The following NFIX variants were observed in gnomAD, a reference collection of about 807,000 sequenced individuals.
NFIX encodes nuclear factor 1 X-type.
A neutral mutation model predicts 53.3 loss-of-function variants in NFIX; 2 were observed. The observed-to-expected ratio is 0.04, with a 90% confidence interval of 0.02 to 0.12. The LOEUF (loss-of-function observed/expected upper bound fraction) is 0.12. Among genes scored for constraint, NFIX ranks in the 10% least tolerant of loss-of-function variants. NFIX has a pLI of 1.00. For synonymous variants in NFIX, 244 were observed against 289.0 expected, an observed-to-expected ratio of 0.84 and a Z score of 1.58; for missense variants, 310 against 674.5, an observed-to-expected ratio of 0.46 and a Z score of 5.99.
chr19:13,056,135 C>T (rs998824407), intron 2 of NFIX, among the ~76,000 whole-genome samples: 3 of 152,192 alleles, frequency 2.0e-5, no homozygotes, highest in Non-Finnish European at 2.9e-5. Flanking sequence ...CAGCCCCAGC[C>T]AACTTTGCTG....
intron 1 of NFIX, among the ~76,000 whole-genome samples, chr19:12,999,218 G>A (rs1160988461): frequency 6.6e-6 from 1 of 151,328 alleles, no homozygotes; most frequent in Non-Finnish European, 1.5e-5. Flanking sequence ...CTGTCGCCCA[G>A]GTTGGAGTGC....
chr19:13,057,508 A>G (rs1200383616), intron 2 of NFIX, among the ~76,000 whole-genome samples: 2 of 152,130 alleles, frequency 1.3e-5, no homozygotes, highest in Non-Finnish European at 1.5e-5. Context: ...CCGGCTCCTG[A>G]TGCCACACCC....
chr19:13,094,563 T>G lies in NFIX; in HGVS notation c.1495-72T>G. ...CTGGACCCTTGAGGGGCCAGGTCAC[T>G]GGGCCAGGTAGGAGTGAGATGGGAC... On this transcript the variant is annotated intron_variant, in intron 10 of 10. Coordinates refer to ENST00000592199, the MANE Select transcript of NFIX (RefSeq NM_001365902.3). The surrounding 1 kb of genome is among the most constrained non-coding windows in gnomAD (Gnocchi z 4.3). The G allele has an allele frequency of 2.7e-6, 4 of 1,497,006 alleles. No individual in the cohort carries two copies. The highest frequency in any genetic ancestry group is 3.6e-6 in the Non-Finnish European group (4 of 1,113,788). 92.7% of individuals were successfully genotyped at this position (1,497,006 alleles called of 1,614,324 possible). A position where few individuals can be genotyped will look rare whatever the true frequency, so the allele number is the denominator to read the frequency against.
rs372603403 is a variant in NFIX at position 13,012,890 on chromosome 19, G to A, written c.28-12131G>A. ...CTTCAATCCCCGAGCCTTCTCTTTT[G>A]GGGGAGTAAAGGCGGGGAAATTTAC... On this transcript the variant is annotated intron_variant, in intron 1 of 10. Coordinates refer to ENST00000592199, the MANE Select transcript of NFIX (RefSeq NM_001365902.3). This position sits in a 1 kb window ranked among gnomAD's most constrained non-coding sequence, Gnocchi z 5.0. Among the ~76,000 whole-genome samples the A allele has an allele frequency of 8.3e-4, 127 of 152,126 alleles. No individual in the cohort carries two copies. The highest frequency in any genetic ancestry group is 1.5e-3 in the East Asian group (8 of 5,164).
chr19:13,094,517 G>C lies in NFIX; in HGVS notation c.1495-118G>C. The C allele has an allele frequency of 9.7e-7, 1 of 1,032,686 alleles. No individual in the cohort carries two copies. Among genetic ancestry groups the C allele is most frequent in the South Asian group, 1.4e-5 (1 of 69,016 alleles). The allele number at this position is 1,032,686 out of a possible 1,614,324, so 64.0% of individuals were successfully genotyped here. A position where few individuals can be genotyped will look rare whatever the true frequency, so the allele number is the denominator to read the frequency against. The stretch of plus-strand genomic sequence containing the variant: ...GGAACAAGGTGGGTGGTGGCTGCCC[G>C]GCACCCTGGCTCTTTGGGAGCTGGA... On this transcript the variant is annotated intron_variant, in intron 10 of 10. Transcript: ENST00000592199. The surrounding 1 kb of genome is among the most constrained non-coding windows in gnomAD (Gnocchi z 4.3).
In NFIX at chr19:12,996,764, G is replaced by C. The variant is rs2011484169; in HGVS notation, c.27+900G>C. 6.6e-6 allele frequency among the ~76,000 whole-genome samples: 1 copy of C among 152,254 alleles called. No homozygotes were observed. The highest frequency in any genetic ancestry group is 6.5e-5 in the Admixed American group (1 of 15,290). ...GTGCTGCGGCCACACCGTCGGGTCA[G>C]CCTCGGGCACAACAGCGCCGACCTT... On this transcript the variant is annotated intron_variant, in intron 1 of 10. Transcript: ENST00000592199. The surrounding 1 kb of genome is among the most constrained non-coding windows in gnomAD (Gnocchi z 5.2).
At position 12,996,730 on chromosome 19, in the gene NFIX, C is replaced by T. The variant is rs1360930520; in HGVS notation, c.27+866C>T. Reference sequence around the variant, plus strand: ...GAGGGGCGGGAGGCAGCCGTGGACACAGCCGACAGTGCTGCGGCCACACCG... The same window carrying T: ...GAGGGGCGGGAGGCAGCCGTGGACATAGCCGACAGTGCTGCGGCCACACCG... On this transcript the variant is annotated intron_variant, in intron 1 of 10. Coordinates refer to ENST00000592199, the MANE Select transcript of NFIX (RefSeq NM_001365902.3). The surrounding 1 kb of genome is among the most constrained non-coding windows in gnomAD (Gnocchi z 5.2). 6.6e-6 allele frequency among the ~76,000 whole-genome samples: 1 copy of T among 152,254 alleles called. No individual in the cohort carries two copies. The highest frequency in any genetic ancestry group is 1.5e-5 in the Non-Finnish European group (1 of 68,038).
In NFIX at chr19:13,028,755, A is replaced by G. The variant is rs1325257473; in HGVS notation, c.559+3203A>G. The stretch of plus-strand genomic sequence containing the variant: ...TCCTTCCATTCAAAGCGGGTATCCC[A>G]GAACAGGTGGCCAGGGACGGGTGAG... On this transcript the variant is annotated intron_variant, in intron 2 of 10. Coordinates refer to ENST00000592199, the MANE Select transcript of NFIX (RefSeq NM_001365902.3). This position sits in a 1 kb window ranked among gnomAD's most constrained non-coding sequence, Gnocchi z 4.2. Among the ~76,000 whole-genome samples the G allele has an allele frequency of 1.3e-5, 2 of 152,132 alleles. No individual in the cohort carries two copies. Among genetic ancestry groups the G allele is most frequent in the Non-Finnish European group, 2.9e-5 (2 of 68,010 alleles).
intron 2 of NFIX, among the ~76,000 whole-genome samples, chr19:13,046,247 G>A (rs922830305): frequency 1.3e-5 from 2 of 152,194 alleles, no homozygotes; most frequent in Non-Finnish European, 2.9e-5. Context: ...GCACCATGGA[G>A]GGTAGTCTGT....
chr19:13,022,648 G>T lies in NFIX; in HGVS notation c.28-2373G>T, dbSNP rs907720373. On this transcript the variant is annotated intron_variant, in intron 1 of 10. Coordinates refer to ENST00000592199, the MANE Select transcript of NFIX (RefSeq NM_001365902.3). This position sits in a 1 kb window ranked among gnomAD's most constrained non-coding sequence, Gnocchi z 4.5. The stretch of plus-strand genomic sequence containing the variant: ...ACAGAAAAAGAGAGTGTGCAGGCCC[G>T]AGAGAAAGACTGAAACCAAAACACA... Among the ~76,000 whole-genome samples the T allele has an allele frequency of 6.6e-6, 1 of 151,950 alleles. No individual in the cohort carries two copies. Among genetic ancestry groups the T allele is most frequent in the Non-Finnish European group, 1.5e-5 (1 of 67,990 alleles).
intron 1 of NFIX, among the ~76,000 whole-genome samples, chr19:13,023,368 T>A (rs926116717): frequency 1.3e-5 from 2 of 149,744 alleles, no homozygotes; most frequent in Admixed American, 1.3e-4. Flanking sequence ...TGCACGCGTC[T>A]GCCAGCAACG....
chr19:13,039,744 C>T (rs1448222783), intron 2 of NFIX, among the ~76,000 whole-genome samples: 1 of 152,198 alleles, frequency 6.6e-6, no homozygotes, highest in Middle Eastern at 3.2e-3. Flanking sequence ...TTTAGTTTCT[C>T]TTAGGCTGGA....
intron 1 of NFIX, among the ~76,000 whole-genome samples, chr19:13,016,879 C>T (rs2012699519): frequency 6.6e-6 from 1 of 152,140 alleles, no homozygotes; most frequent in Non-Finnish European, 1.5e-5. Context: ...CAGCTTCGCC[C>T]TCCATGGCCC....
chr19:13,075,196 T>A (rs2017019212), intron 5 of NFIX, among the ~76,000 whole-genome samples: 1 of 151,622 alleles, frequency 6.6e-6, no homozygotes, highest in Non-Finnish European at 1.5e-5. Flanking sequence ...GTCATTCACC[T>A]CACCCTAGCC....
chr19:13,053,761 A>G (rs1314758459), intron 2 of NFIX, among the ~76,000 whole-genome samples: 8 of 152,106 alleles, frequency 5.3e-5, no homozygotes, highest in Non-Finnish European at 1.0e-4. Flanking sequence ...TCTGTCCCCA[A>G]GGGCTCCCTC....
rs920370018 is a variant in NFIX at position 13,095,271 on chromosome 19, C to T, written c.*622C>T. On this transcript the variant is annotated 3_prime_UTR_variant, in exon 11 of 11. Transcript: ENST00000592199. ...ACCAGGAGGGGGAGAGCAGCCTCCA[C>T]TTACCCCACCCCACCCTTGGGCTAA... 9 of 152,164 alleles carry T rather than the reference C, an allele frequency of 5.9e-5. No individual in the cohort carries two copies. In the East Asian group the frequency reaches 1.4e-3, roughly 23 times the overall value. The allele number at this position is 152,164 out of a possible 1,614,324, so 9.4% of individuals were successfully genotyped here. A position where few individuals can be genotyped will look rare whatever the true frequency, so the allele number is the denominator to read the frequency against.
chr19:13,098,291 GC>G lies in NFIX; in HGVS notation c.*3648del, dbSNP rs1158359269. ...CCCCCACCCCACCCACCCTCGGGGC[GC>G]CCCCCTCCCCCCGCAAGCCAGCCTG... is the stretch of plus-strand genomic sequence containing the variant. On this transcript the variant is annotated 3_prime_UTR_variant, in exon 11 of 11. Transcript: ENST00000592199. 3 of 96,470 alleles carry G rather than the reference GC, an allele frequency of 3.1e-5. No individual in the cohort carries two copies. Among genetic ancestry groups the G allele is most frequent in the Non-Finnish European group, 6.3e-5 (3 of 47,996 alleles). 6.0% of individuals were successfully genotyped at this position (96,470 alleles called of 1,614,324 possible).
At chr19:13,071,493 AAC>A (rs1040848641) in intron 2 of NFIX, 1 of 152,160 alleles carries the variant, frequency 6.6e-6, no homozygotes, top group African/African-American at 2.4e-5. Context: ...TCTTTTGCCA[AAC>A]ACACCACCAG....
In NFIX at chr19:13,089,718, T is replaced by G. The variant is rs1223152141; in HGVS notation, c.1403-581T>G. On this transcript the variant is annotated intron_variant, in intron 9 of 10. Coordinates refer to ENST00000592199, the MANE Select transcript of NFIX (RefSeq NM_001365902.3). This position sits in a 1 kb window ranked among gnomAD's most constrained non-coding sequence, Gnocchi z 4.8. ...AGCCTGCCTGCCTGGTCCTTGGGCC[T>G]GCCCAGAGTGGTAAGAGGTGTAGCA... Among the ~76,000 whole-genome samples the G allele has an allele frequency of 1.3e-5, 2 of 152,222 alleles. No individual in the cohort carries two copies. Among genetic ancestry groups the G allele is most frequent in the Non-Finnish European group, 2.9e-5 (2 of 68,012 alleles).
Sources: gnomAD v4.1 joint callset for allele counts (sites outside exome capture counted in the v4.1 genomes callset) on GRCh38, gnomAD v4.1.1 for gene constraint, Gnocchi (gnomAD v3.1) non-coding constraint, MANE v1.5 for transcripts, NCBI Gene and HGNC (gene_info 2026-07-23, HGNC 2026-07-21) for gene names.